GPHN: variants seen among roughly 807,000 people sequenced by gnomAD.
GPHN encodes the protein gephyrin.
In GPHN, 17 loss-of-function variants were observed where a neutral mutation model predicts 95.5. The ratio of observed to expected loss-of-function variants is 0.18; its 90% confidence interval spans 0.12 to 0.27. The LOEUF is 0.27. GPHN is among the 10% of genes least tolerant of loss of function. GPHN has a pLI of 1.00. For synonymous variants in GPHN, 320 were observed against 322.5 expected, an observed-to-expected ratio of 0.99 and a Z score of 0.08; for missense variants, 660 against 978.1, an observed-to-expected ratio of 0.67 and a Z score of 4.34.
At chr14:67,352,799 A>C in the GPHN span, 6 of 661,942 alleles carry the variant, frequency 9.1e-6, no homozygotes, top group Non-Finnish European at 1.5e-5. Context: ...TGTTAAACTT[A>C]TAATGGTATT....
intron 21 of GPHN, among the ~76,000 whole-genome samples, chr14:67,171,470 C>G (rs2082594665): frequency 6.6e-6 from 1 of 152,056 alleles, no homozygotes; most frequent in Admixed American, 6.6e-5. Flanking sequence ...GACCTTCTAT[C>G]ATGTGTTTCC....
chr14:67,150,472 AAC>A (rs1555503601), intron 18 of GPHN, among the ~76,000 whole-genome samples: 3 of 150,828 alleles, frequency 2.0e-5, no homozygotes, highest in African/African-American at 7.3e-5. Flanking sequence ...AAAAAAAAAA[AAC>A]ATTGTAAGGT....
At chr14:66,979,849 C>T (rs970311939) in intron 9 of GPHN, among the ~76,000 whole-genome samples, 2 of 152,134 alleles carry the variant, frequency 1.3e-5, no homozygotes, top group Admixed American at 1.3e-4. Flanking sequence ...ACTATTCCTT[C>T]TACTTGAACT....
chr14:66,576,494 T>TA (rs2060905768), intron 1 of GPHN, among the ~76,000 whole-genome samples: 1 of 151,880 alleles, frequency 6.6e-6, no homozygotes, highest in African/African-American at 2.4e-5. Context: ...CTTTTTTTTT[T>TA]AAATCTTGGA....
the GPHN span, among the ~76,000 whole-genome samples, chr14:67,543,304 G>C: frequency 6.6e-6 from 1 of 152,186 alleles, no homozygotes; most frequent in Non-Finnish European, 1.5e-5. Context: ...TAAGGGGAGT[G>C]GTCCTGGACT....
chr14:67,437,122 AT>A, the GPHN span, among the ~76,000 whole-genome samples: 4 of 152,204 alleles, frequency 2.6e-5, no homozygotes, highest in African/African-American at 9.7e-5. Flanking sequence ...GTTGTGACTT[AT>A]ATAATAGACC....
At chr14:67,193,618 A>T in the GPHN span, among the ~76,000 whole-genome samples, 2 of 146,368 alleles carry the variant, frequency 1.4e-5, no homozygotes, top group African/African-American at 2.5e-5. Flanking sequence ...TATAGATAGA[A>T]ATATATCTAT....
chr14:67,100,983 C>T, intron 13 of GPHN, 72 bp downstream of exon 13: 2 of 885,900 alleles, frequency 2.3e-6, no homozygotes, highest in Non-Finnish European at 3.9e-6. Flanking sequence ...TTCTAAATTT[C>T]TCCTATCAGT....
chr14:66,577,780 A>G (rs986979476), intron 1 of GPHN, among the ~76,000 whole-genome samples: 1 of 151,946 alleles, frequency 6.6e-6, no homozygotes, highest in African/African-American at 2.4e-5. Flanking sequence ...AGATTTCACT[A>G]TGGACAGAAT....
At chr14:67,180,747 G>T (rs985457712) in intron 22 of GPHN, 57 bp from the exon 23 acceptor site, 2 of 1,564,466 alleles carry the variant, frequency 1.3e-6, no homozygotes, top group South Asian at 2.3e-5. Flanking sequence ...GTCTACAAGG[G>T]CCCAACTGTA....
intron 4 of GPHN, among the ~76,000 whole-genome samples, chr14:66,868,670 A>G (rs563378520): frequency 6.6e-6 from 1 of 152,344 alleles, no homozygotes; most frequent in African/African-American, 2.4e-5. Context: ...CTGGAATTAC[A>G]GGCATGAGCC....
intron 1 of GPHN, among the ~76,000 whole-genome samples, chr14:66,597,459 C>T (rs531344471): frequency 1.3e-3 from 191 of 152,282 alleles, no homozygotes; most frequent in Non-Finnish European, 2.0e-3. Flanking sequence ...TCAGCACTGC[C>T]CCAAGCGTGC....
the GPHN span, chr14:67,729,556 G>C: frequency 1.5e-6 from 1 of 676,268 alleles, no homozygotes; most frequent in Admixed American, 2.3e-5. Context: ...ACAAACTTAT[G>C]TGTTGGGAAG....
At chr14:66,813,314 C>G (rs2060835671) in intron 3 of GPHN, among the ~76,000 whole-genome samples, 2 of 152,112 alleles carry the variant, frequency 1.3e-5, no homozygotes, top group Admixed American at 1.3e-4. Context: ...GGAACAGCTC[C>G]CATGGAAGTA....
the GPHN span, chr14:67,674,767 C>A: frequency 3.2e-6 from 1 of 313,606 alleles, no homozygotes; most frequent in Non-Finnish European, 5.8e-6. Context: ...CGCGCCGGGG[C>A]GATCGGCAGT....
At chr14:67,729,974 C>G in the GPHN span, among the ~76,000 whole-genome samples, 1 of 152,144 alleles carries the variant, frequency 6.6e-6, no homozygotes, top group Non-Finnish European at 1.5e-5. Flanking sequence ...CCGCTTTGTT[C>G]AAGGCTTTTC....
the GPHN span, among the ~76,000 whole-genome samples, chr14:67,608,393 C>T: frequency 6.6e-6 from 1 of 152,044 alleles, no homozygotes; most frequent in Admixed American, 6.6e-5. Context: ...TTAAGGTATA[C>T]AGGAGGATTG....
chr14:67,634,720 ATTACT>A, the GPHN span, among the ~76,000 whole-genome samples: 2 of 152,200 alleles, frequency 1.3e-5, no homozygotes, highest in African/African-American at 2.4e-5. Flanking sequence ...CTGACCTCTA[ATTACT>A]TTAGACAGAT....
the GPHN span, chr14:67,395,545 G>A: frequency 6.2e-7 from 1 of 1,614,168 alleles, no homozygotes; most frequent in Non-Finnish European, 8.5e-7. Flanking sequence ...CCTCCAGGAA[G>A]TACTCCGTGG....
Sources: allele counts gnomAD v4.1 joint callset (sites outside exome capture counted in the v4.1 genomes callset), GRCh38; gene constraint gnomAD v4.1.1; transcripts MANE v1.5; gene names NCBI Gene and HGNC (gene_info 2026-07-23, HGNC 2026-07-21).